Variants in IL10RB observed in about 807,000 individuals in gnomAD.
IL10RB encodes the protein interleukin-10 receptor subunit beta.
In IL10RB, 30 loss-of-function variants were observed where a neutral mutation model predicts 38.7. That is an observed-to-expected ratio of 0.78 (90% CI 0.58 to 1.05). IL10RB has a LOEUF of 1.05. Among genes scored for constraint, IL10RB ranks in the 50% least tolerant of loss-of-function variants. The pLI, the probability that IL10RB is intolerant of heterozygous loss-of-function variation, is 0.00. For synonymous variants in IL10RB, 142 were observed against 145.9 expected (o/e 0.97, Z 0.19); for missense variants, 328 against 397.1 (o/e 0.83, Z 1.48).
chr21:33,292,912 C>T (rs569594505), intron 6 of IL10RB, among the ~76,000 whole-genome samples: 1 of 152,306 alleles, frequency 6.6e-6, no homozygotes, highest in South Asian at 2.1e-4. Flanking sequence ...CCTTTCCTGC[C>T]TGGGGCCCCT....
At chr21:33,307,471 A>G (rs2123616958) in intron 1 of IL10RB, among the ~76,000 whole-genome samples, 1 of 152,302 alleles carries the variant, frequency 6.6e-6, no homozygotes, top group Non-Finnish European at 1.5e-5. Flanking sequence ...CAGCTGCCCA[A>G]GACCATGCTT....
chr21:33,273,750 T>G (rs1989121891), intron 2 of IL10RB, among the ~76,000 whole-genome samples: 1 of 152,252 alleles, frequency 6.6e-6, no homozygotes, highest in South Asian at 2.1e-4. Context: ...TCCTTTGTTG[T>G]CATTTCAACA....
At chr21:33,280,714 A>G (rs542646755) in intron 4 of IL10RB, among the ~76,000 whole-genome samples, 3 of 152,296 alleles carry the variant, frequency 2.0e-5, no homozygotes, top group South Asian at 4.1e-4. Context: ...TATGTTATGT[A>G]TGTCATATTA....
At chr21:33,296,021 G>C (rs1209199518) in intron 6 of IL10RB, among the ~76,000 whole-genome samples, 163 bp from the exon 7 acceptor site, 1 of 152,086 alleles carries the variant, frequency 6.6e-6, no homozygotes, top group Admixed American at 6.5e-5. Context: ...TCCAGCCTGG[G>C]TGACAGAGCA....
chr21:33,295,862 T>C (rs942545083), intron 6 of IL10RB, among the ~76,000 whole-genome samples: 1 of 152,028 alleles, frequency 6.6e-6, no homozygotes, highest in African/African-American at 2.4e-5. Flanking sequence ...CTGGCCAACA[T>C]GGTGAAATCC....
chr21:33,299,819 T>C (rs1355835609), downstream of IL10RB, among the ~76,000 whole-genome samples: 1 of 152,262 alleles, frequency 6.6e-6, no homozygotes, highest in Non-Finnish European at 1.5e-5. Context: ...AGAGCAGTTA[T>C]GATAGATTGA....
intron 2 of IL10RB, among the ~76,000 whole-genome samples, chr21:33,269,739 A>G (rs1260972989): frequency 6.7e-6 from 1 of 149,550 alleles, no homozygotes; most frequent in Non-Finnish European, 1.5e-5. Context: ...GCTCACTGCA[A>G]CCTCTGCCTC....
At chr21:33,270,402 A>T in intron 2 of IL10RB, among the ~76,000 whole-genome samples, 1 of 146,488 alleles carries the variant, frequency 6.8e-6, no homozygotes, top group African/African-American at 2.5e-5. Context: ...TTTTTTTGAG[A>T]CGGAGTCTCG....
rs138869014 is a variant in IL10RB at position 33,284,201 on chromosome 21, T to C, written c.646+960T>C. On this transcript the variant is annotated intron_variant, in intron 5 of 6. Transcript: ENST00000290200. ...ATCCCAGCTACTTGGGAGGCTGAGGTGGGAGAATCGTTTGAACCCAGGAGG... is the reference window on the plus strand; with the variant it reads ...ATCCCAGCTACTTGGGAGGCTGAGGCGGGAGAATCGTTTGAACCCAGGAGG... Among the ~76,000 whole-genome samples the C allele has an allele frequency of 6.1e-5, 9 of 147,694 alleles. No homozygotes were observed. The East Asian group carries it at 1.8e-3, about 29-fold the overall frequency.
At chr21:33,266,649 A>T in intron 1 of IL10RB, 135 bp downstream of exon 1, 1 of 854,348 alleles carries the variant, frequency 1.2e-6, no homozygotes, top group Non-Finnish European at 1.8e-6. Flanking sequence ...TGCAAACGCC[A>T]CGGCCGGCTG....
At chr21:33,279,031 A>G (rs1268837167) in intron 3 of IL10RB, among the ~76,000 whole-genome samples, 2 of 152,250 alleles carry the variant, frequency 1.3e-5, no homozygotes, top group African/African-American at 4.8e-5. Flanking sequence ...CTCATGGAGC[A>G]TATATGTGCT....
chr21:33,281,376 C>T (rs937962236), intron 4 of IL10RB, among the ~76,000 whole-genome samples: 9 of 152,198 alleles, frequency 5.9e-5, no homozygotes, highest in African/African-American at 2.2e-4. Flanking sequence ...GGGTCAGGTG[C>T]CTCCTGAGGC....
intron 6 of IL10RB, among the ~76,000 whole-genome samples, chr21:33,288,851 C>T (rs934602456): frequency 5.9e-5 from 9 of 152,164 alleles, no homozygotes; most frequent in African/African-American, 1.9e-4. Context: ...GTCACTGACA[C>T]TAGAGAATGA....
At chr21:33,290,078 CA>C (rs1478888473) in intron 6 of IL10RB, among the ~76,000 whole-genome samples, 1 of 151,780 alleles carries the variant, frequency 6.6e-6, no homozygotes, top group African/African-American at 2.4e-5. Flanking sequence ...CGCGCCACTG[CA>C]CTCTAACCTG....
chr21:33,304,709 G>T (rs1229335213), intron 1 of IL10RB, among the ~76,000 whole-genome samples: 1 of 152,224 alleles, frequency 6.6e-6, no homozygotes, highest in Non-Finnish European at 1.5e-5. Flanking sequence ...CCTCATCATT[G>T]CAGGTCTGAA....
intron 1 of IL10RB, among the ~76,000 whole-genome samples, chr21:33,267,199 C>T (rs1988971424): frequency 6.6e-6 from 1 of 152,092 alleles, no homozygotes. Flanking sequence ...GATACCCCTC[C>T]GGTTTCCCGC....
At chr21:33,275,346 TG>T (rs1989152324) in intron 2 of IL10RB, among the ~76,000 whole-genome samples, 1 of 151,926 alleles carries the variant, frequency 6.6e-6, no homozygotes, top group African/African-American at 2.4e-5. Context: ...TTAGTAGAGG[TG>T]GGGTTTCACC....
chr21:33,300,010 A>G (rs1230754378), downstream of IL10RB, among the ~76,000 whole-genome samples: 1 of 152,178 alleles, frequency 6.6e-6, no homozygotes, highest in Non-Finnish European at 1.5e-5. Flanking sequence ...CATCCTTCCC[A>G]TGCACTTCAG....
At chr21:33,302,771 G>A (rs1457295391) in intron 1 of IL10RB, among the ~76,000 whole-genome samples, 1 of 152,220 alleles carries the variant, frequency 6.6e-6, no homozygotes, top group Non-Finnish European at 1.5e-5. Context: ...GATATTTCAG[G>A]TGAGTGATAT....
Sources: allele counts gnomAD v4.1 joint callset (sites outside exome capture counted in the v4.1 genomes callset), GRCh38; gene constraint gnomAD v4.1.1; transcripts MANE v1.5; gene names NCBI Gene and HGNC (gene_info 2026-07-23, HGNC 2026-07-21).